OIT3: variants seen among roughly 807,000 people sequenced by gnomAD.
The protein encoded by OIT3 is oncoprotein-induced transcript 3 protein.
Under a neutral mutation model 52.2 loss-of-function variants are expected in OIT3, and 41 were observed. The ratio of observed to expected loss-of-function variants is 0.79; its 90% CI spans 0.61 to 1.02. The LOEUF is 1.02. OIT3 is among the 50% of genes least tolerant of loss of function. The pLI is 0.00. For missense variants in OIT3, 634 were observed against 715.5 expected (o/e 0.89, Z 1.30); for synonymous variants, 244 against 276.9 (o/e 0.88, Z 1.18).
At chr10:72,923,872 C>T (rs1241367748) in intron 6 of OIT3, among the ~76,000 whole-genome samples, 1 of 152,182 alleles carries the variant, frequency 6.6e-6, no homozygotes, top group East Asian at 1.9e-4. Context: ...CCTCCCCCTC[C>T]CGCTTGGCAC....
chr10:72,909,567 A>G (rs1846011983), intron 4 of OIT3, among the ~76,000 whole-genome samples: 2 of 151,302 alleles, frequency 1.3e-5, no homozygotes. Context: ...AGTAATTTTT[A>G]TTGTTTTGTT....
chr10:72,903,861 G>C (rs758773098), intron 3 of OIT3, among the ~76,000 whole-genome samples: 12 of 151,908 alleles, frequency 7.9e-5, no homozygotes, highest in Non-Finnish European at 1.6e-4. Context: ...TAAATAAGTA[G>C]AAGTTTATTT....
chr10:72,919,556 C>T (rs933234993), intron 6 of OIT3, among the ~76,000 whole-genome samples: 1 of 152,058 alleles, frequency 6.6e-6, no homozygotes, highest in Non-Finnish European at 1.5e-5. Flanking sequence ...CCAGCTTTTG[C>T]CCATTCAGTA....
chr10:72,908,556 C>T (rs1846000416), intron 4 of OIT3, among the ~76,000 whole-genome samples: 1 of 152,078 alleles, frequency 6.6e-6, no homozygotes, highest in Non-Finnish European at 1.5e-5. Context: ...AATTACTGTT[C>T]CTTATAATAA....
rs1846146166 is a variant in OIT3 at position 72,924,185 on chromosome 10, C to A, written c.952-44C>A. On this transcript the variant is annotated intron_variant, in intron 6 of 8. Coordinates refer to ENST00000334011, the MANE Select transcript of OIT3 (RefSeq NM_152635.3). The stretch of plus-strand genomic sequence containing the variant: ...GGAGGGGGAAAAAAAACTGTAGAAA[C>A]AAACAGACAATCTCTTTCCTCTCCT... 9 of 1,506,932 alleles carry A rather than the reference C, an allele frequency of 6.0e-6. No homozygotes were observed. The South Asian group carries it at 1.2e-4, about 19-fold the overall frequency. The allele number at this position is 1,506,932 out of a possible 1,614,324, so 93.3% of individuals were successfully genotyped here.
intron 6 of OIT3, among the ~76,000 whole-genome samples, chr10:72,922,930 C>CA: frequency 6.6e-6 from 1 of 152,202 alleles, no homozygotes; most frequent in South Asian, 2.1e-4. Flanking sequence ...GGCTGGAGTG[C>CA]AGTGGTGCAA....
At chr10:72,917,309 T>G (rs1846081281) in intron 6 of OIT3, among the ~76,000 whole-genome samples, 3 of 138,288 alleles carry the variant, frequency 2.2e-5, no homozygotes. Context: ...ACATTTAAGG[T>G]TTTTTTTTTA....
At chr10:72,907,073 C>A (rs1198635625) in intron 4 of OIT3, among the ~76,000 whole-genome samples, 1 of 151,902 alleles carries the variant, frequency 6.6e-6, no homozygotes, top group Non-Finnish European at 1.5e-5. Flanking sequence ...TTAAGACCAG[C>A]CTGGGCAACA....
Position 72,924,255 on chromosome 10 carries a change from C to T in OIT3, c.978C>T (p.Ser326=). The T allele has an allele frequency of 6.2e-7, 1 of 1,600,410 alleles. No homozygotes were observed. Among genetic ancestry groups the T allele is most frequent in the Non-Finnish European group, 8.5e-7 (1 of 1,170,104 alleles). ...TGGTGAATGACAAGATTGTGGCCAG[C>T]AACCTCGTGACAGGTCTACCCAAGC... ...VDVVNDKIVA[S]NLVTGLPKQT... is the part of the protein sequence containing the mutation. Residue 326 remains serine, a synonymous_variant, in exon 7 of 9, where the codon AGC becomes AGT. Coordinates refer to ENST00000334011, the MANE Select transcript of OIT3 (RefSeq NM_152635.3).
At chr10:72,929,847 G>A (rs943748748) in intron 7 of OIT3, among the ~76,000 whole-genome samples, 1 of 152,156 alleles carries the variant, frequency 6.6e-6, no homozygotes, top group Admixed American at 6.6e-5. Flanking sequence ...CCAGCCAGGA[G>A]TGCTTCTTTT....
chr10:72,913,701 C>T (rs1457236824), intron 6 of OIT3: 2 of 627,462 alleles, frequency 3.2e-6, no homozygotes, highest in South Asian at 3.0e-5. Context: ...CCCATCTCTC[C>T]AGCATGCACA....
intron 6 of OIT3, chr10:72,918,578 A>AT: frequency 1.2e-6 from 1 of 868,222 alleles, no homozygotes; most frequent in South Asian, 1.3e-5. Flanking sequence ...GCGGATGGAG[A>AT]TAAACCACCA....
intron 1 of OIT3, among the ~76,000 whole-genome samples, chr10:72,894,958 G>T (rs1157059818): frequency 6.6e-6 from 1 of 152,038 alleles, no homozygotes. Context: ...AAGGTAATGT[G>T]GGATCCTGGA....
At chr10:72,922,015 G>A (rs962337078) in intron 6 of OIT3, among the ~76,000 whole-genome samples, 8 of 152,242 alleles carry the variant, frequency 5.3e-5, no homozygotes, top group African/African-American at 1.9e-4. Flanking sequence ...TTGGCCCCCA[G>A]TCTCTCCTGG....
At chr10:72,927,217 G>T (rs1392554186) in intron 7 of OIT3, among the ~76,000 whole-genome samples, 2 of 152,074 alleles carry the variant, frequency 1.3e-5, no homozygotes, top group African/African-American at 4.8e-5. Context: ...CAGCTCCCCT[G>T]CAACCTCTGC....
Position 72,894,889 on chromosome 10 carries a change from AAAAAAT to A in OIT3, c.61+1049_61+1054del, listed in dbSNP as rs938502304. ...GGCAACAGAGGGAGACTCCATCTCAAAAAAATAAAAATAAAAATAAAAATGGTGATT... is the reference window on the plus strand; with the variant it reads ...GGCAACAGAGGGAGACTCCATCTCAAAAAAATAAAAATAAAAATGGTGATT... On this transcript the variant is annotated intron_variant, in intron 1 of 8. Coordinates refer to ENST00000334011, the MANE Select transcript of OIT3 (RefSeq NM_152635.3). Among the ~76,000 whole-genome samples, 31 of 152,246 alleles carry A rather than the reference AAAAAAT, an allele frequency of 2.0e-4. No homozygotes were observed. In the South Asian group the frequency reaches 3.3e-3, roughly 16 times the overall value.
At chr10:72,909,774 A>G (rs1324784471) in intron 4 of OIT3, among the ~76,000 whole-genome samples, 2 of 151,040 alleles carry the variant, frequency 1.3e-5, no homozygotes, top group Non-Finnish European at 3.0e-5. Flanking sequence ...TTTTTTTTGT[A>G]TTTTTAGTAG....
chr10:72,911,258 G>A (rs944611172), intron 4 of OIT3, among the ~76,000 whole-genome samples: 2 of 152,134 alleles, frequency 1.3e-5, no homozygotes, highest in Middle Eastern at 3.2e-3. Flanking sequence ...TGAGGAGAGG[G>A]CCAGGTGACC....
chr10:72,899,520 G>C (rs1016955166), intron 2 of OIT3, among the ~76,000 whole-genome samples: 1 of 151,662 alleles, frequency 6.6e-6, no homozygotes, highest in East Asian at 1.9e-4. Flanking sequence ...GCTTGAACCC[G>C]GGAGGTGGAC....
Sources: allele counts gnomAD v4.1 joint callset (sites outside exome capture counted in the v4.1 genomes callset), GRCh38; gene constraint gnomAD v4.1.1; transcripts MANE v1.5; gene names NCBI Gene and HGNC (gene_info 2026-07-23, HGNC 2026-07-21).